The following SDK1 variants were observed in gnomAD, a reference collection of about 807,000 sequenced individuals.
SDK1 encodes protein sidekick-1.
In SDK1, 157 loss-of-function variants were observed where a neutral mutation model predicts 245.5. The ratio of observed to expected loss-of-function variants is 0.64; its 90% CI spans 0.56 to 0.73. SDK1 has a LOEUF of 0.73. Ranked by LOEUF, SDK1 falls within the 30% of genes least tolerant of loss-of-function variation. SDK1 has a pLI of 0.00. For missense variants in SDK1, 3,583 were observed against 3,002.3 expected, an observed-to-expected ratio of 1.19 and a Z score of -4.52; for synonymous variants, 1,647 against 1,278.5, an observed-to-expected ratio of 1.29 and a Z score of -6.15.
At position 3,871,048 on chromosome 7, in the gene SDK1, C is replaced by G. The variant is rs558266632; in HGVS notation, c.847+49465C>G. 6.6e-5 allele frequency among the ~76,000 whole-genome samples: 10 copies of G among 152,242 alleles called. 1 individual carries two copies. In the South Asian group the frequency reaches 2.1e-3, roughly 32 times the overall value. On this transcript the variant is annotated intron_variant, in intron 5 of 44. Coordinates refer to ENST00000404826, the MANE Select transcript of SDK1 (RefSeq NM_152744.4). Reference sequence around the variant, plus strand: ...CAGTCCACGAACATGCTGTACCTCTCTGTTTATTTCGGTCATCTGATCTTT... The same window carrying G: ...CAGTCCACGAACATGCTGTACCTCTGTGTTTATTTCGGTCATCTGATCTTT...
chr7:4,100,305 C>T lies in SDK1; in HGVS notation c.3325-10358C>T, dbSNP rs1174158938. Among the ~76,000 whole-genome samples, 4 of 152,120 alleles carry T rather than the reference C, an allele frequency of 2.6e-5. No individual in the cohort carries two copies. The East Asian group carries it at 7.7e-4, about 29-fold the overall frequency. ...CAGGGGCCATGGGGGGCAGACATGG[C>T]CTCCAGGAGAAGGGCTTTATGAAGG... On this transcript the variant is annotated intron_variant, in intron 22 of 44. Transcript: ENST00000404826.
intron 5 of SDK1, among the ~76,000 whole-genome samples, chr7:3,925,139 A>C (rs953373528): frequency 6.6e-6 from 1 of 152,072 alleles, no homozygotes; most frequent in Non-Finnish European, 1.5e-5. Context: ...TCCAGGAACC[A>C]GGGCCCCAGA....
chr7:4,167,023 G>T (rs1391155628), intron 32 of SDK1, among the ~76,000 whole-genome samples: 1 of 152,128 alleles, frequency 6.6e-6, no homozygotes, highest in Non-Finnish European at 1.5e-5. Context: ...CACCCTCCTG[G>T]GTCTTCCCCA....
intron 1 of SDK1, among the ~76,000 whole-genome samples, chr7:3,366,033 C>A (rs1781080627): frequency 8.5e-6 from 1 of 117,718 alleles, no homozygotes; most frequent in Admixed American, 9.5e-5. Context: ...GAATGAAATT[C>A]TGTCTCAAAA....
At chr7:3,871,934 A>G (rs962264180) in intron 5 of SDK1, among the ~76,000 whole-genome samples, 5 of 152,176 alleles carry the variant, frequency 3.3e-5, no homozygotes, top group South Asian at 4.1e-4. Flanking sequence ...GATGTTAGCT[A>G]TATGTATTTT....
intron 1 of SDK1, among the ~76,000 whole-genome samples, chr7:3,345,265 C>T (rs1780462553): frequency 6.6e-6 from 1 of 151,844 alleles, no homozygotes; most frequent in Non-Finnish European, 1.5e-5. Context: ...TGGGACCTGA[C>T]TTCTTCCAGA....
chr7:3,519,311 A>G (rs1283476026), intron 1 of SDK1, among the ~76,000 whole-genome samples: 1 of 152,140 alleles, frequency 6.6e-6, no homozygotes, highest in East Asian at 1.9e-4. Flanking sequence ...GAAGTGATAA[A>G]TGTTTGAGAT....
At chr7:4,186,638 T>C (rs1273272485) in intron 35 of SDK1, among the ~76,000 whole-genome samples, 1 of 151,878 alleles carries the variant, frequency 6.6e-6, no homozygotes, top group Non-Finnish European at 1.5e-5. Flanking sequence ...TGGGTTGGGG[T>C]GAATCAGGAG....
chr7:3,548,793 T>A (rs1315922607), intron 1 of SDK1, among the ~76,000 whole-genome samples: 2 of 152,220 alleles, frequency 1.3e-5, no homozygotes, highest in Admixed American at 1.3e-4. Flanking sequence ...AAGTTTCTAA[T>A]TAACCTAGGG....
At chr7:3,471,085 T>C (rs992507889) in intron 1 of SDK1, among the ~76,000 whole-genome samples, 1 of 152,222 alleles carries the variant, frequency 6.6e-6, no homozygotes, top group African/African-American at 2.4e-5. Context: ...TATTGGTATA[T>C]GGGACATGAG....
chr7:3,406,643 G>C (rs1347318062), intron 1 of SDK1, among the ~76,000 whole-genome samples: 1 of 152,094 alleles, frequency 6.6e-6, no homozygotes, highest in Non-Finnish European at 1.5e-5. Flanking sequence ...GGCACTAAAC[G>C]AGAATAAACC....
At chr7:4,203,880 A>G (rs1234596106) in intron 35 of SDK1, among the ~76,000 whole-genome samples, 3 of 152,238 alleles carry the variant, frequency 2.0e-5, no homozygotes, top group Non-Finnish European at 2.9e-5. Context: ...TTGCTGTAGC[A>G]TTGCTGGTAG....
intron 35 of SDK1, among the ~76,000 whole-genome samples, chr7:4,194,590 A>T: frequency 6.6e-6 from 1 of 152,086 alleles, no homozygotes; most frequent in East Asian, 1.9e-4. Flanking sequence ...CGAGCCTCAA[A>T]ACTGAACAAC....
intron 22 of SDK1, among the ~76,000 whole-genome samples, chr7:4,093,684 G>A (rs1781952033): frequency 6.6e-6 from 1 of 152,236 alleles, no homozygotes; most frequent in Non-Finnish European, 1.5e-5. Context: ...GGCGTCGACA[G>A]CGACAGCGTT....
chr7:3,761,991 A>G (rs1257282843), intron 4 of SDK1, among the ~76,000 whole-genome samples: 1 of 152,226 alleles, frequency 6.6e-6, no homozygotes, highest in African/African-American at 2.4e-5. Flanking sequence ...CTTTCTTTGT[A>G]GTGAACTGTA....
At chr7:3,657,686 GA>G (rs1783231279) in intron 4 of SDK1, among the ~76,000 whole-genome samples, 1 of 152,190 alleles carries the variant, frequency 6.6e-6, no homozygotes, top group Non-Finnish European at 1.5e-5. Context: ...TCAGGAGGGG[GA>G]CATTCCTGGA....
chr7:3,768,417 G>T (rs59050205), intron 4 of SDK1, among the ~76,000 whole-genome samples: 1,599 of 152,176 alleles, frequency 0.011, 26 homozygotes, highest in African/African-American at 0.037. Flanking sequence ...AAACTTTAAG[G>T]AAAATAAATA....
chr7:3,845,841 T>G (rs1226454237), intron 5 of SDK1, among the ~76,000 whole-genome samples: 3 of 152,296 alleles, frequency 2.0e-5, no homozygotes, highest in African/African-American at 7.2e-5. Flanking sequence ...ACTGGTACAT[T>G]TAGAAAGCGG....
intron 5 of SDK1, among the ~76,000 whole-genome samples, chr7:3,948,429 T>A (rs1210292538): frequency 6.6e-6 from 1 of 151,918 alleles, no homozygotes; most frequent in Non-Finnish European, 1.5e-5. Flanking sequence ...AGCTAATTTG[T>A]TTTTTTGTAT....
Sources: gnomAD v4.1 joint callset for allele counts (sites outside exome capture counted in the v4.1 genomes callset) on GRCh38, gnomAD v4.1.1 for gene constraint, MANE v1.5 for transcripts, NCBI Gene and HGNC (gene_info 2026-07-23, HGNC 2026-07-21) for gene names.